NPSR1: variants seen among roughly 807,000 people sequenced by gnomAD.
NPSR1 encodes neuropeptide S receptor 1.
In NPSR1, 48 loss-of-function variants were observed where a neutral mutation model predicts 46.9. The ratio of observed to expected loss-of-function variants is 1.02; its 90% CI spans 0.81 to 1.30. The LOEUF (loss-of-function observed/expected upper bound fraction) is 1.30, where lower values mean the gene tolerates loss of function less well. Ranked by LOEUF, NPSR1 falls within the 50% of genes most tolerant of loss-of-function variation. The probability of loss-of-function intolerance (pLI) is 0.00; values close to 1 mark genes in which losing one functional copy is unlikely to be tolerated. For missense variants in NPSR1, 450 were observed against 449.5 expected (o/e 1.00, Z -0.01); for synonymous variants, 176 against 168.1 (o/e 1.05, Z -0.36).
chr7:34,682,963 CCCACT>C (rs1372555737), intron 1 of NPSR1, among the ~76,000 whole-genome samples: 24 of 152,128 alleles, frequency 1.6e-4, no homozygotes, highest in African/African-American at 5.8e-4. Context: ...CTGTCATCCT[CCCACT>C]CTAGTTGTAC....
intron 2 of NPSR1, among the ~76,000 whole-genome samples, chr7:34,724,977 A>C (rs1461795596): frequency 6.6e-6 from 1 of 152,098 alleles, no homozygotes; most frequent in African/African-American, 2.4e-5. Flanking sequence ...GTTCAACGGT[A>C]ATAGACAGCA....
At chr7:34,716,096 G>C (rs576635121) in intron 2 of NPSR1, among the ~76,000 whole-genome samples, 1 of 152,272 alleles carries the variant, frequency 6.6e-6, no homozygotes, top group African/African-American at 2.4e-5. Context: ...GAGATGAGCT[G>C]TCCAGGACTC....
intron 2 of NPSR1, among the ~76,000 whole-genome samples, chr7:34,732,967 T>C (rs569580819): frequency 6.6e-6 from 1 of 152,200 alleles, no homozygotes; most frequent in Non-Finnish European, 1.5e-5. Context: ...CATCTAAAAG[T>C]TTGCATGTGA....
chr7:34,671,495 G>C (rs1438316340), intron 1 of NPSR1, among the ~76,000 whole-genome samples: 1 of 152,112 alleles, frequency 6.6e-6, no homozygotes, highest in African/African-American at 2.4e-5. Context: ...ACCCAAGCAA[G>C]CGAGGCTTGC....
chr7:34,847,488 G>T (rs1790777678), intron 7 of NPSR1, among the ~76,000 whole-genome samples: 1 of 152,090 alleles, frequency 6.6e-6, no homozygotes, highest in South Asian at 2.1e-4. Flanking sequence ...GTTGGAAGCT[G>T]GAGACCCAGG....
chr7:34,872,299 G>A (rs1185505843), intron 8 of NPSR1, among the ~76,000 whole-genome samples: 1 of 151,946 alleles, frequency 6.6e-6, no homozygotes, highest in Non-Finnish European at 1.5e-5. Flanking sequence ...GGGAAGCAAG[G>A]CCGTAGGCCT....
At chr7:34,755,601 A>G (rs890573723) in intron 2 of NPSR1, among the ~76,000 whole-genome samples, 2 of 152,168 alleles carry the variant, frequency 1.3e-5, no homozygotes, top group Non-Finnish European at 1.5e-5. Context: ...TAGGGCTACT[A>G]TGAATACTGC....
At chr7:34,681,120 C>G (rs536196868) in intron 1 of NPSR1, among the ~76,000 whole-genome samples, 1 of 152,112 alleles carries the variant, frequency 6.6e-6, no homozygotes, top group African/African-American at 2.4e-5. Context: ...CCTTTGGGAC[C>G]CTTTCAGCTC....
rs541138055 is a variant in NPSR1 at position 34,771,443 on chromosome 7, C to T, written c.281-7019C>T. Among the ~76,000 whole-genome samples the T allele has an allele frequency of 2.0e-5, 3 of 152,180 alleles. No individual in the cohort carries two copies. In the East Asian group the frequency reaches 5.8e-4, roughly 29 times the overall value. On this transcript the variant is annotated intron_variant, in intron 2 of 8. Coordinates refer to ENST00000360581, the MANE Select transcript of NPSR1 (RefSeq NM_207172.2). ...TGACAGCAATACCCTGTACCACTTCCCCACCAAAAAAGATGCACAAAAGGG... is the reference window on the plus strand; with the variant it reads ...TGACAGCAATACCCTGTACCACTTCTCCACCAAAAAAGATGCACAAAAGGG...
intron 3 of NPSR1, among the ~76,000 whole-genome samples, chr7:34,784,642 T>C (rs938047098): frequency 3.3e-5 from 5 of 152,132 alleles, no homozygotes; most frequent in Admixed American, 2.6e-4. Context: ...GGTCTAAAAT[T>C]CTCTTTTTTT....
intron 4 of NPSR1, among the ~76,000 whole-genome samples, chr7:34,825,749 CACAA>C (rs1413720065): frequency 6.6e-6 from 1 of 152,136 alleles, no homozygotes; most frequent in Non-Finnish European, 1.5e-5. Flanking sequence ...GCACAGAGAG[CACAA>C]AGCCCTCTGA....
chr7:34,695,909 C>T (rs1462290991), intron 2 of NPSR1, among the ~76,000 whole-genome samples: 3 of 151,904 alleles, frequency 2.0e-5, no homozygotes, highest in Admixed American at 6.6e-5. Flanking sequence ...TCTCAGAAGA[C>T]TTGAAACAGA....
At chr7:34,831,313 TCA>T (rs34669905) in intron 5 of NPSR1, among the ~76,000 whole-genome samples, 46,356 of 147,688 alleles carry the variant, frequency 0.31, 7,439 homozygotes, top group South Asian at 0.41. Flanking sequence ...CTCACACACA[TCA>T]CACACACACA....
At chr7:34,685,626 T>C in intron 2 of NPSR1, 1 of 367,066 alleles carries the variant, frequency 2.7e-6, no homozygotes, top group Non-Finnish European at 5.2e-6. Context: ...GTAATGGTAG[T>C]GGAGCTCTTT....
intron 2 of NPSR1, among the ~76,000 whole-genome samples, chr7:34,692,032 G>A (rs1272813069): frequency 6.6e-6 from 1 of 152,176 alleles, no homozygotes; most frequent in Non-Finnish European, 1.5e-5. Context: ...TTGCAAGGCT[G>A]AGCTGGAAGG....
At chr7:34,678,218 CTTTTTTTTTTTTTT>C (rs869140156) in intron 1 of NPSR1, among the ~76,000 whole-genome samples, 1 of 100,702 alleles carries the variant, frequency 9.9e-6, no homozygotes, top group Non-Finnish European at 1.9e-5. Context: ...CTTTGCAATT[CTTTTTTTTTTTTTT>C]TTTTTTTTTT....
intron 8 of NPSR1, among the ~76,000 whole-genome samples, chr7:34,877,829 C>A (rs1199008267): frequency 1.3e-5 from 2 of 152,134 alleles, no homozygotes; most frequent in Admixed American, 1.3e-4. Context: ...CACTTCAAAA[C>A]AGACACCCAG....
intron 3 of NPSR1, among the ~76,000 whole-genome samples, chr7:34,787,437 C>T (rs530159880): frequency 6.6e-6 from 1 of 152,202 alleles, no homozygotes. Context: ...CAGCAGTAAG[C>T]TTGTTTCATT....
intron 3 of NPSR1, among the ~76,000 whole-genome samples, chr7:34,792,808 C>T (rs1787998210): frequency 6.9e-6 from 1 of 145,356 alleles, no homozygotes; most frequent in South Asian, 2.2e-4. Flanking sequence ...TGCTTGAACC[C>T]GGGGTGTCAA....
Sources: gnomAD v4.1 joint callset for allele counts (sites outside exome capture counted in the v4.1 genomes callset) on GRCh38, gnomAD v4.1.1 for gene constraint, MANE v1.5 for transcripts, NCBI Gene and HGNC (gene_info 2026-07-23, HGNC 2026-07-21) for gene names.